The following THBS2 variants were observed in gnomAD, a reference collection of about 807,000 sequenced individuals.
THBS2 encodes thrombospondin 2, also known as thrombospondin-2.
THBS2 carries 47 observed loss-of-function variants against 135.2 expected under a neutral mutation model. The observed-to-expected ratio is 0.35, with a 90% CI of 0.28 to 0.44. The LOEUF (loss-of-function observed/expected upper bound fraction) is 0.44, where lower values mean the gene tolerates loss of function less well. Among genes scored for constraint, THBS2 ranks in the 20% least tolerant of loss-of-function variants. The pLI is 1.00. For missense variants in THBS2, 1,288 were observed against 1,603.1 expected, an observed-to-expected ratio of 0.80 and a Z score of 3.36; for synonymous variants, 639 against 633.8, an observed-to-expected ratio of 1.01 and a Z score of -0.12.
chr6:169,219,775 A>G (rs1779354466), intron 21 of THBS2: 1 of 520,354 alleles, frequency 1.9e-6, no homozygotes, highest in South Asian at 1.4e-5. Flanking sequence ...TTCCAGGTCT[A>G]TAATATTTTG....
intron 17 of THBS2, among the ~76,000 whole-genome samples, chr6:169,224,905 G>A (rs557780668): frequency 1.3e-5 from 2 of 152,202 alleles, no homozygotes; most frequent in South Asian, 2.1e-4. Context: ...TCCTCCTCCC[G>A]ACGTGCACAC....
intron 21 of THBS2, chr6:169,219,915 A>T (rs1779363702): frequency 1.7e-6 from 1 of 581,384 alleles, no homozygotes; most frequent in Admixed American, 2.2e-5. Context: ...AAGTGGAGGA[A>T]ATCTAGGAAA....
Position 169,220,323 on chromosome 6 carries a change from T to G in THBS2, c.3386A>C (p.Glu1129Ala), listed in dbSNP as rs750318460. The change falls in exon 21 of 22, where the codon GAA becomes GCA. Residue 1129 changes from glutamate to alanine, a missense_variant. By Grantham distance (107) the Glu-to-Ala change is moderately radical (BLOSUM62 -1). Around this residue, in one of 2 missense-constraint regions of THBS2, gnomAD observed 874 missense variants for 1,156.1 expected, o/e 0.76. Coordinates refer to ENST00000617924, the MANE Select transcript of THBS2 (RefSeq NM_003247.5). ...TGAGTCTGCCATGACCTGTTTTCCT[T>G]CATGCACTAAGACTCTAAAAATGGT... ...KTGYIRVLVH[E>A]GKQVMADSGP... is the part of the protein sequence containing the mutation. The G allele has an allele frequency of 1.2e-6, 2 of 1,612,572 alleles. No individual in the cohort carries two copies. The highest frequency in any genetic ancestry group is 1.1e-5 in the South Asian group (1 of 90,894).
chr6:169,246,775 T>C (rs1780568648), intron 3 of THBS2, among the ~76,000 whole-genome samples: 1 of 152,178 alleles, frequency 6.6e-6, no homozygotes, highest in South Asian at 2.1e-4. Flanking sequence ...GGTATGGAAC[T>C]CCTGGACACC....
At chr6:169,229,480 C>T (rs1024716981) in intron 14 of THBS2, 92 bp downstream of exon 14, 37 of 958,606 alleles carry the variant, frequency 3.9e-5, no homozygotes, top group Admixed American at 2.5e-4. Context: ...ATGGCAGTTA[C>T]GTTGACAAGG....
rs376913092 is a variant in THBS2, at chr6:169,246,190, C to G, written c.694+7G>C. On this transcript the variant is annotated splice_region_variant and intron_variant, in intron 4 of 21. Coordinates refer to ENST00000617924, the MANE Select transcript of THBS2 (RefSeq NM_003247.5). ...TATATAAAATGCATTTTTCACAACA[C>G]ACCTACCTCCCTGGCCTTGCTGGCA... The G allele has an allele frequency of 3.1e-6, 5 of 1,613,480 alleles. No individual in the cohort carries two copies. Among genetic ancestry groups the G allele is most frequent in the Non-Finnish European group, 4.2e-6 (5 of 1,179,684 alleles).
chr6:169,239,295 C>G, intron 7 of THBS2: 1 of 426,740 alleles, frequency 2.3e-6, no homozygotes, highest in Non-Finnish European at 4.2e-6. Context: ...TGACTCTCAG[C>G]TGGGGCTCCA....
At chr6:169,249,169 G>C (rs945257150) in intron 2 of THBS2, among the ~76,000 whole-genome samples, 196 bp from the exon 3 acceptor site, 1 of 152,206 alleles carries the variant, frequency 6.6e-6, no homozygotes, top group African/African-American at 2.4e-5. Flanking sequence ...TGCCAGTGCC[G>C]CTACTCAGAG....
chr6:169,238,086 G>T (rs1051036987), intron 7 of THBS2, among the ~76,000 whole-genome samples: 6 of 152,220 alleles, frequency 3.9e-5, no homozygotes, highest in Non-Finnish European at 5.9e-5. Flanking sequence ...TGTGTGTCCA[G>T]GAAAGTCTCT....
intron 14 of THBS2, 117 bp downstream of exon 14, chr6:169,229,455 A>G (rs1006153827): frequency 1.3e-6 from 1 of 793,018 alleles, no homozygotes; most frequent in Non-Finnish European, 2.1e-6. Flanking sequence ...CCTATGCACA[A>G]ACGCTTGCAG....
intron 4 of THBS2, among the ~76,000 whole-genome samples, chr6:169,242,994 CACCTTCCCACCTTCCCACAT>C (rs1780403622): frequency 4.0e-5 from 2 of 49,608 alleles, no homozygotes; most frequent in African/African-American, 2.2e-4. Flanking sequence ...CCCACATTCG[CACCTTCCCACCTTCCCACAT>C]TCCCACCTTC....
In THBS2 at chr6:169,239,633, A is replaced by G. The variant is rs139748640; in HGVS notation, c.1095T>C (p.Phe365=). 20 of 1,606,956 alleles carry G rather than the reference A, an allele frequency of 1.2e-5. 1 individual carries two copies. The African/African-American group carries it at 2.0e-4, about 16-fold the overall frequency. ...CPPATCASPS[F]VEGECCPSCL... is the part of the protein sequence containing the mutation. Reference sequence around the variant, plus strand: ...AGGAAGGGCAGCATTCGCCTTCCACAAAGGATGGACTGGCGCAGGTTGCAG... The same window carrying G: ...AGGAAGGGCAGCATTCGCCTTCCACGAAGGATGGACTGGCGCAGGTTGCAG... The change falls in exon 7 of 22, where the codon TTT becomes TTC. Residue 365 remains phenylalanine, a synonymous_variant. Transcript: ENST00000617924.
chr6:169,219,493 A>C (rs765964276), intron 21 of THBS2, among the ~76,000 whole-genome samples: 2 of 152,118 alleles, frequency 1.3e-5, no homozygotes, highest in Non-Finnish European at 2.9e-5. Flanking sequence ...CATAAGGAGA[A>C]GAAAACCTCC....
At chr6:169,244,960 A>T (rs1416840402) in intron 4 of THBS2, among the ~76,000 whole-genome samples, 1 of 152,250 alleles carries the variant, frequency 6.6e-6, no homozygotes, top group Non-Finnish European at 1.5e-5. Context: ...GTAACTGAAG[A>T]GTGGGCTACG....
At chr6:169,222,101 C>T in intron 19 of THBS2, 96 bp downstream of exon 19, 2 of 1,411,616 alleles carry the variant, frequency 1.4e-6, no homozygotes, top group Non-Finnish European at 1.9e-6. Context: ...TTAATAAAGA[C>T]AAAAGTGGGG....
In THBS2 at chr6:169,218,129, G is replaced by A. The variant is rs1779252099; in HGVS notation, c.3512-300C>T. ...ATGGGTGGATGGATGGGGTGGGTGG[G>A]TGGATGAGATGGATGGATGGATGGA... On this transcript the variant is annotated intron_variant, in intron 21 of 21. Transcript: ENST00000617924. Among the ~76,000 whole-genome samples the A allele has an allele frequency of 3.2e-5, 4 of 124,452 alleles. No individual in the cohort carries two copies. In the South Asian group the frequency reaches 8.9e-4, roughly 28 times the overall value. The allele number at this position is 124,452 out of a possible 152,430, so 81.6% of individuals were successfully genotyped here. A position where few individuals can be genotyped will look rare whatever the true frequency, so the allele number is the denominator to read the frequency against.
intron 9 of THBS2, among the ~76,000 whole-genome samples, chr6:169,236,002 T>C (rs943822556): frequency 4.0e-5 from 1 of 24,856 alleles, no homozygotes. Context: ...ACACTCTCCC[T>C]CCACCATCCA....
At chr6:169,228,648 G>C (rs1430685396) in intron 14 of THBS2, among the ~76,000 whole-genome samples, 1 of 152,154 alleles carries the variant, frequency 6.6e-6, no homozygotes, top group Non-Finnish European at 1.5e-5. Context: ...TTAGGCCCGG[G>C]CACAGTGGCT....
chr6:169,236,850 A>C (rs1304697701), intron 9 of THBS2, among the ~76,000 whole-genome samples: 1 of 131,366 alleles, frequency 7.6e-6, no homozygotes, highest in Non-Finnish European at 1.6e-5. Context: ...ATCCACACTC[A>C]CTCCCCCATC....
Sources: allele counts gnomAD v4.1 joint callset (sites outside exome capture counted in the v4.1 genomes callset), GRCh38; gene constraint gnomAD v4.1.1; regional missense constraint gnomAD v4.1.1; transcripts MANE v1.5; gene names NCBI Gene and HGNC (gene_info 2026-07-23, HGNC 2026-07-21).